YME1L1: variants seen among roughly 807,000 people sequenced by gnomAD.
YME1L1 encodes the protein YME1 like 1 ATPase.
YME1L1 carries 39 observed loss-of-function variants against 90.4 expected under a neutral mutation model. The ratio of observed to expected loss-of-function variants is 0.43; its 90% CI spans 0.33 to 0.56. The LOEUF (loss-of-function observed/expected upper bound fraction) is 0.56, where lower values mean the gene tolerates loss of function less well. Among genes scored for constraint, YME1L1 ranks in the 20% least tolerant of loss-of-function variants. YME1L1 has a pLI of 0.03. For synonymous variants in YME1L1, 284 were observed against 287.3 expected (o/e 0.99, Z 0.12); for missense variants, 617 against 868.4 (o/e 0.71, Z 3.64).
intron 4 of YME1L1, 151 bp from the exon 5 acceptor site, chr10:27,136,536 T>C: frequency 1.5e-6 from 1 of 681,072 alleles, no homozygotes; most frequent in Non-Finnish European, 2.4e-6. Context: ...TCCTTCTTTT[T>C]TGTAGAGACG....
rs895584172 is a variant in YME1L1, at chr10:27,125,785, C to T, written c.949+911G>A. ...CCTCCTGAGTAGCTGGGATTACAGG[C>T]GCCTGCCACCAAGCCCAGCTAATTT... On this transcript the variant is annotated intron_variant, in intron 9 of 18. Coordinates refer to ENST00000376016, the MANE Select transcript of YME1L1 (RefSeq NM_014263.4). 2.6e-5 allele frequency among the ~76,000 whole-genome samples: 4 copies of T among 151,976 alleles called. No individual in the cohort carries two copies. In the East Asian group the frequency reaches 7.8e-4, roughly 30 times the overall value.
At chr10:27,124,792 G>A (rs190213571) in intron 9 of YME1L1, among the ~76,000 whole-genome samples, 2 of 152,274 alleles carry the variant, frequency 1.3e-5, no homozygotes, top group African/African-American at 4.8e-5. Flanking sequence ...AAATGTAAAG[G>A]TGGTATGTGG....
At chr10:27,142,638 T>C (rs995223598) in intron 3 of YME1L1, among the ~76,000 whole-genome samples, 153 bp from the exon 4 acceptor site, 10 of 152,252 alleles carry the variant, frequency 6.6e-5, no homozygotes, top group African/African-American at 2.4e-4. Flanking sequence ...TATGAAAGTA[T>C]CTAAAGCATC....
chr10:27,143,834 T>C (rs1251513394), intron 3 of YME1L1, among the ~76,000 whole-genome samples: 2 of 152,110 alleles, frequency 1.3e-5, no homozygotes, highest in Non-Finnish European at 2.9e-5. Context: ...CTGTGAATCA[T>C]AGCTACTATT....
chr10:27,115,910 C>T, intron 17 of YME1L1, 150 bp downstream of exon 17: 1 of 722,708 alleles, frequency 1.4e-6, no homozygotes, highest in South Asian at 1.9e-5. Flanking sequence ...TTTCTTTATT[C>T]AGAGAATAAC....
chr10:27,140,430 G>A (rs1051512997), intron 4 of YME1L1, among the ~76,000 whole-genome samples: 5 of 152,092 alleles, frequency 3.3e-5, no homozygotes, highest in Non-Finnish European at 4.4e-5. Flanking sequence ...CCATTCAGTC[G>A]TGAGACATTT....
chr10:27,123,023 T>A (rs1278212465), intron 10 of YME1L1, 50 bp from the exon 11 acceptor site: 1 of 1,579,010 alleles, frequency 6.3e-7, no homozygotes, highest in Non-Finnish European at 8.6e-7. Context: ...TCAACACTTT[T>A]GAACAAAACG....
intron 8 of YME1L1, among the ~76,000 whole-genome samples, chr10:27,128,777 C>T (rs1343166659): frequency 6.6e-6 from 1 of 151,542 alleles, no homozygotes; most frequent in Non-Finnish European, 1.5e-5. Context: ...GGCATAGGGG[C>T]ACACGCCTGT....
chr10:27,132,533 TAA>T (rs943006867), intron 7 of YME1L1, among the ~76,000 whole-genome samples: 2 of 151,610 alleles, frequency 1.3e-5, no homozygotes, highest in African/African-American at 4.8e-5. Context: ...AAATAAAAAA[TAA>T]TAAAGACTGG....
chr10:27,132,431 G>C (rs781691883), intron 7 of YME1L1, among the ~76,000 whole-genome samples: 1 of 152,102 alleles, frequency 6.6e-6, no homozygotes, highest in African/African-American at 2.4e-5. Flanking sequence ...TCTTCAAAGA[G>C]TAAGTGATTC....
In YME1L1 at chr10:27,134,907, T is replaced by C. The variant is rs2057011595; in HGVS notation, c.615A>G (p.Glu205=). The C allele has an allele frequency of 3.1e-6, 5 of 1,614,040 alleles. No individual in the cohort carries two copies. The highest frequency in any genetic ancestry group is 4.2e-6 in the Non-Finnish European group (5 of 1,180,016). The change falls in exon 6 of 19, where the codon GAA becomes GAG. Residue 205 remains glutamate, a synonymous_variant. Coordinates refer to ENST00000376016, the MANE Select transcript of YME1L1 (RefSeq NM_014263.4). The part of the protein sequence containing the change: ...DKLMKTKNIP[E]AHQDAFKTGF... Reference sequence around the variant, plus strand: ...CAGTTTTAAATGCATCTTGGTGAGCTTCAGGTATATTTTTGGTTTTCATGA... The same window carrying C: ...CAGTTTTAAATGCATCTTGGTGAGCCTCAGGTATATTTTTGGTTTTCATGA...
intron 9 of YME1L1, among the ~76,000 whole-genome samples, chr10:27,124,209 G>A (rs2056895010): frequency 6.6e-6 from 1 of 152,172 alleles, no homozygotes; most frequent in African/African-American, 2.4e-5. Flanking sequence ...ATTCTTAGGT[G>A]ATGTACAAGA....
At position 27,154,167 on chromosome 10, in the gene YME1L1, G is replaced by T; in HGVS notation, c.33+11C>A. 6.3e-7 allele frequency: 1 copy of T among 1,587,932 alleles called. No individual in the cohort carries two copies. Among genetic ancestry groups the T allele is most frequent in the Non-Finnish European group, 8.6e-7 (1 of 1,166,132 alleles). ...CGGGAGGAAAAAAAATGGGCTGAATGCCTGGCTTACCTGGGGTTGCACCGT... is the reference window on the plus strand; with the variant it reads ...CGGGAGGAAAAAAAATGGGCTGAATTCCTGGCTTACCTGGGGTTGCACCGT... On this transcript the variant is annotated intron_variant, in intron 1 of 18. Coordinates refer to ENST00000376016, the MANE Select transcript of YME1L1 (RefSeq NM_014263.4).
chr10:27,149,073 T>G lies in YME1L1; in HGVS notation c.34-33A>C. 2.0e-6 allele frequency: 3 copies of G among 1,504,656 alleles called. No individual in the cohort carries two copies. The South Asian group carries it at 3.7e-5, about 18-fold the overall frequency. The allele number at this position is 1,504,656 out of a possible 1,614,324, so 93.2% of individuals were successfully genotyped here. A position where few individuals can be genotyped will look rare whatever the true frequency, so the allele number is the denominator to read the frequency against. On this transcript the variant is annotated intron_variant, in intron 1 of 18. Coordinates refer to ENST00000376016, the MANE Select transcript of YME1L1 (RefSeq NM_014263.4). ...AAGATAAAAGTTAAAAACTAAGTAG[T>G]TTTTTTTTAAATAAACAGAACAATC...
At chr10:27,143,808 A>G (rs1427709618) in intron 3 of YME1L1, among the ~76,000 whole-genome samples, 1 of 152,180 alleles carries the variant, frequency 6.6e-6, no homozygotes, top group Admixed American at 6.5e-5. Context: ...AAAAGCTCTA[A>G]TGGTATAATA....
In YME1L1 at chr10:27,121,488, A is replaced by G. The variant is rs779607930; in HGVS notation, c.1236-40T>C. 3.7e-6 allele frequency: 5 copies of G among 1,348,246 alleles called. No homozygotes were observed. The African/African-American group carries it at 7.2e-5, about 19-fold the overall frequency. 83.5% of individuals were successfully genotyped at this position (1,348,246 alleles called of 1,614,324 possible). ...AAATAGTATCTTTTACTAACACTGA[A>G]GCACAGCACACATGTAGAAATGCTC... is the stretch of plus-strand genomic sequence containing the variant. On this transcript the variant is annotated intron_variant, in intron 11 of 18. Coordinates refer to ENST00000376016, the MANE Select transcript of YME1L1 (RefSeq NM_014263.4).
At chr10:27,144,753 C>G (rs1385937254) in intron 3 of YME1L1, among the ~76,000 whole-genome samples, 1 of 152,056 alleles carries the variant, frequency 6.6e-6, no homozygotes, top group Non-Finnish European at 1.5e-5. Flanking sequence ...TGGATCAGAT[C>G]CTGGAAAAGA....
intron 1 of YME1L1, 134 bp downstream of exon 1, chr10:27,154,044 C>T (rs2057275947): frequency 1.7e-6 from 2 of 1,211,192 alleles, no homozygotes; most frequent in Non-Finnish European, 1.2e-6. Context: ...ATCCACTCCT[C>T]AATCCTGGGA....
At chr10:27,126,674 T>C in intron 9 of YME1L1, 22 bp downstream of exon 9, 1 of 1,302,604 alleles carries the variant, frequency 7.7e-7, no homozygotes, top group Non-Finnish European at 1.1e-6. Context: ...CATCAAATCA[T>C]GATAAAGAAA....
Sources: gnomAD v4.1 joint callset for allele counts (sites outside exome capture counted in the v4.1 genomes callset) on GRCh38, gnomAD v4.1.1 for gene constraint, MANE v1.5 for transcripts, NCBI Gene and HGNC (gene_info 2026-07-23, HGNC 2026-07-21) for gene names.